INTS4: variants seen among roughly 807,000 people sequenced by gnomAD.
The protein encoded by INTS4 is integrator complex subunit 4, also known as MSTP093.
Under a neutral mutation model 119.5 loss-of-function variants are expected in INTS4, and 70 were observed. The observed-to-expected ratio is 0.59, with a 90% confidence interval of 0.48 to 0.71. The LOEUF (loss-of-function observed/expected upper bound fraction) is 0.71. INTS4 is among the 30% of genes least tolerant of loss of function. The pLI is 0.00. For missense variants in INTS4, 867 were observed against 1,173.2 expected (o/e 0.74, Z 3.81); for synonymous variants, 316 against 419.6 (o/e 0.75, Z 3.02).
chr11:77,907,628 G>A (rs1952988384), intron 16 of INTS4, 89 bp downstream of exon 16: 1 of 900,350 alleles, frequency 1.1e-6, no homozygotes, highest in South Asian at 1.5e-5. Flanking sequence ...AAGACCATAA[G>A]TTTTATAACT....
intron 17 of INTS4, among the ~76,000 whole-genome samples, chr11:77,902,457 G>C (rs1952806467): frequency 6.6e-6 from 1 of 152,106 alleles, no homozygotes; most frequent in South Asian, 2.1e-4. Context: ...AAAGAGTCTG[G>C]ATCAGACAAG....
intron 8 of INTS4, among the ~76,000 whole-genome samples, chr11:77,943,765 T>C (rs1356810259): frequency 6.6e-6 from 1 of 152,226 alleles, no homozygotes; most frequent in East Asian, 1.9e-4. Context: ...CCTTATTAAA[T>C]GTATGTGAAA....
At chr11:77,983,713 T>C (rs1431995439) in intron 2 of INTS4, among the ~76,000 whole-genome samples, 1 of 152,188 alleles carries the variant, frequency 6.6e-6, no homozygotes, top group Admixed American at 6.6e-5. Context: ...ATTAGAATCT[T>C]TGTGACCTGC....
At chr11:77,937,389 C>A (rs1953822899) in intron 10 of INTS4, among the ~76,000 whole-genome samples, 1 of 151,982 alleles carries the variant, frequency 6.6e-6, no homozygotes, top group Non-Finnish European at 1.5e-5. Flanking sequence ...ACATTATATA[C>A]AGAGGAAGAT....
chr11:77,926,687 C>G (rs1422606186), intron 11 of INTS4, among the ~76,000 whole-genome samples: 2 of 151,612 alleles, frequency 1.3e-5, no homozygotes, highest in Non-Finnish European at 2.9e-5. Context: ...TGGTGCGTGC[C>G]TGTAATCCCA....
intron 8 of INTS4, among the ~76,000 whole-genome samples, chr11:77,952,400 T>C (rs1224314859): frequency 2.6e-5 from 4 of 152,232 alleles, no homozygotes; most frequent in Admixed American, 2.6e-4. Flanking sequence ...GTAATACATT[T>C]ACCTCAGAGA....
rs1196814912 is a variant in INTS4 at position 77,891,536 on chromosome 11, T to A, written c.2449-74A>T. On this transcript the variant is annotated intron_variant, in intron 20 of 22. Coordinates refer to ENST00000534064, the MANE Select transcript of INTS4 (RefSeq NM_033547.4). ...GATGAGAAAACGCATCTTTTTTCTG[T>A]CTCCTTATCTAATGAGTGGGCATGT... The A allele has an allele frequency of 2.5e-6, 4 of 1,582,784 alleles. No homozygotes were observed. The Admixed American group carries it at 5.2e-5, about 21-fold the overall frequency.
intron 4 of INTS4, among the ~76,000 whole-genome samples, chr11:77,967,370 T>C (rs990144242): frequency 1.3e-5 from 2 of 152,128 alleles, no homozygotes; most frequent in African/African-American, 4.8e-5. Flanking sequence ...TTAAGCCAGT[T>C]AAAGAGCCTT....
intron 4 of INTS4, among the ~76,000 whole-genome samples, chr11:77,975,982 C>T (rs925256116): frequency 1.4e-5 from 2 of 147,640 alleles, no homozygotes; most frequent in East Asian, 2.0e-4. Flanking sequence ...CCTCCACAAA[C>T]GATTTAAAAA....
intron 3 of INTS4, among the ~76,000 whole-genome samples, chr11:77,980,242 G>A (rs1051289222): frequency 5.9e-5 from 9 of 151,708 alleles, no homozygotes; most frequent in African/African-American, 1.7e-4. Flanking sequence ...CTCCATTCTT[G>A]ACCCCACTCC....
intron 15 of INTS4, chr11:77,911,062 C>A: frequency 7.8e-7 from 1 of 1,288,622 alleles, no homozygotes; most frequent in Non-Finnish European, 1.0e-6. Flanking sequence ...GTCCACTGGA[C>A]TATGACACTT....
At chr11:77,985,908 G>C (rs1482556212) in intron 2 of INTS4, among the ~76,000 whole-genome samples, 1 of 152,100 alleles carries the variant, frequency 6.6e-6, no homozygotes, top group Non-Finnish European at 1.5e-5. Flanking sequence ...AGATACTAAT[G>C]CCTGATCACA....
chr11:77,962,833 C>T (rs1323296793), intron 4 of INTS4, among the ~76,000 whole-genome samples: 1 of 150,102 alleles, frequency 6.7e-6, no homozygotes, highest in East Asian at 1.9e-4. Flanking sequence ...TTGGACAACA[C>T]AGCGAGGCCC....
intron 2 of INTS4, among the ~76,000 whole-genome samples, chr11:77,986,521 T>A (rs969306951): frequency 1.3e-5 from 2 of 152,168 alleles, no homozygotes; most frequent in Admixed American, 1.3e-4. Context: ...CATGCTACTA[T>A]AAAGATACAT....
chr11:77,928,334 A>G lies in INTS4; in HGVS notation c.1371+8T>C. 1.9e-6 allele frequency: 3 copies of G among 1,612,646 alleles called. No homozygotes were observed. The highest frequency in any genetic ancestry group is 2.5e-6 in the Non-Finnish European group (3 of 1,179,356). ...TGAAGAAATGAGTAACAAATTAGAA[A>G]CACTCACCTCTAGCACAGCCAGGAC... On this transcript the variant is annotated splice_region_variant and intron_variant, in intron 11 of 22. Transcript: ENST00000534064.
intron 13 of INTS4, 88 bp downstream of exon 13, chr11:77,922,268 A>G: frequency 6.7e-7 from 1 of 1,482,656 alleles, no homozygotes; most frequent in Non-Finnish European, 8.9e-7. Context: ...AAAGAAAAGA[A>G]AATTCAGACT....
rs143173961 is a variant in INTS4, at chr11:77,989,726, C to CA, written c.246+1381dup. ...GCAACATAGCAAAGCCCTGTCTCTA[C>CA]AAAAAAAAAAAAAAAATACAAAAAT... is the stretch of plus-strand genomic sequence containing the variant. On this transcript the variant is annotated intron_variant, in intron 2 of 22. Transcript: ENST00000534064. Among the ~76,000 whole-genome samples the CA allele has an allele frequency of 7.2e-3, 552 of 76,390 alleles. 2 individuals carry two copies. Among genetic ancestry groups the CA allele is most frequent in the African/African-American group, 0.017 (341 of 20,066 alleles). 50.1% of individuals were successfully genotyped at this position (76,390 alleles called of 152,430 possible).
chr11:77,939,979 C>T (rs1481931976), intron 9 of INTS4, among the ~76,000 whole-genome samples: 2 of 152,114 alleles, frequency 1.3e-5, no homozygotes, highest in Admixed American at 1.3e-4. Flanking sequence ...GTTTTCCTTT[C>T]CCTTATCAAA....
chr11:77,900,324 C>T (rs1461822110), intron 18 of INTS4, among the ~76,000 whole-genome samples: 1 of 152,122 alleles, frequency 6.6e-6, no homozygotes, highest in Non-Finnish European at 1.5e-5. Context: ...TGCTCTTGAT[C>T]TCCTGACCTC....
Sources: gnomAD v4.1 joint callset for allele counts (sites outside exome capture counted in the v4.1 genomes callset) on GRCh38, gnomAD v4.1.1 for gene constraint, MANE v1.5 for transcripts, NCBI Gene and HGNC (gene_info 2026-07-23, HGNC 2026-07-21) for gene names.